PCDHGB3: variants seen among roughly 807,000 people sequenced by gnomAD.
PCDHGB3 encodes the protein protocadherin gamma subfamily B, 3, also known as protocadherin gamma-B3.
PCDHGB3 carries 40 observed loss-of-function variants against 59.2 expected under a neutral mutation model. The observed-to-expected ratio is 0.68, with a 90% CI of 0.52 to 0.88. PCDHGB3 has a LOEUF of 0.88. Among genes scored for constraint, PCDHGB3 ranks in the 40% least tolerant of loss-of-function variants. The pLI is 0.00. For missense variants in PCDHGB3, 1,309 were observed against 1,187.9 expected, an observed-to-expected ratio of 1.10 and a Z score of -1.50; for synonymous variants, 581 against 503.6, an observed-to-expected ratio of 1.15 and a Z score of -2.06.
intron 1 of PCDHGB3, among the ~76,000 whole-genome samples, chr5:141,386,181 G>C (rs908249495): frequency 3.3e-5 from 5 of 152,138 alleles, no homozygotes; most frequent in Non-Finnish European, 5.9e-5. Flanking sequence ...ACCATCTTAT[G>C]TACACAGATC....
chr5:141,444,965 A>C (rs561160996), intron 1 of PCDHGB3, among the ~76,000 whole-genome samples: 18 of 152,234 alleles, frequency 1.2e-4, no homozygotes, highest in South Asian at 6.2e-4. Context: ...CAATATTGAC[A>C]CTTCAAATCC....
chr5:141,429,488 T>TA (rs748742046), intron 1 of PCDHGB3, among the ~76,000 whole-genome samples: 13 of 152,096 alleles, frequency 8.5e-5, no homozygotes, highest in Non-Finnish European at 1.6e-4. Flanking sequence ...TAGCTGAGAC[T>TA]ACAGTTGCCT....
At chr5:141,419,457 A>AGGCCCGCGACCAGGGCT in intron 1 of PCDHGB3, 2 of 1,612,728 alleles carry the variant, frequency 1.2e-6, no homozygotes, top group Non-Finnish European at 1.7e-6. Context: ...CTCACGCTGC[A>AGGCCCGCGACCAGGGCT]GGCCCGCGAC....
chr5:141,507,202 C>G (rs2099859138), intron 3 of PCDHGB3: 1 of 152,356 alleles, frequency 6.6e-6, no homozygotes, highest in Non-Finnish European at 1.5e-5. Flanking sequence ...TCTTCCAGAT[C>G]AGGGTTGCCA....
intron 1 of PCDHGB3, chr5:141,427,514 G>A (rs1193674497): frequency 1.7e-6 from 1 of 595,712 alleles, no homozygotes; most frequent in Non-Finnish European, 3.2e-6. Context: ...CCCTGGATTG[G>A]GAGCGGATCC....
chr5:141,413,441 T>A, intron 1 of PCDHGB3: 1 of 1,614,056 alleles, frequency 6.2e-7, no homozygotes, highest in South Asian at 1.1e-5. Context: ...GGCAGCTTGA[T>A]CACCGCGGGC....
chr5:141,398,683 C>A, intron 1 of PCDHGB3: 1 of 1,613,914 alleles, frequency 6.2e-7, no homozygotes, highest in Non-Finnish European at 8.5e-7. Flanking sequence ...TAAGGAGAAA[C>A]AGGATGGTAG....
intron 2 of PCDHGB3, among the ~76,000 whole-genome samples, chr5:141,500,900 C>T (rs1309164700): frequency 4.0e-5 from 6 of 150,642 alleles, no homozygotes; most frequent in South Asian, 2.1e-4. Flanking sequence ...GAGACAGTCT[C>T]GCTCTGTCTC....
intron 1 of PCDHGB3, among the ~76,000 whole-genome samples, chr5:141,456,297 A>G (rs537379475): frequency 6.6e-6 from 1 of 152,274 alleles, no homozygotes; most frequent in African/African-American, 2.4e-5. Context: ...CGTCTAATGG[A>G]GAACAGCAGC....
Position 141,430,658 on chromosome 5 carries a change from G to A in PCDHGB3, c.2415+57849G>A, listed in dbSNP as rs1350572230. ...CCTGGGAGTATGTGGAAACAACGGA[G>A]GAGCTCTGACTTCCCAACTGTCCCA... On this transcript the variant is annotated intron_variant, in intron 1 of 3. Coordinates refer to ENST00000576222, the MANE Select transcript of PCDHGB3 (RefSeq NM_018924.5). The A allele has an allele frequency of 7.2e-6, 8 of 1,105,688 alleles. No individual in the cohort carries two copies. The African/African-American group carries it at 9.5e-5, about 13-fold the overall frequency. The allele number at this position is 1,105,688 out of a possible 1,614,324, so 68.5% of individuals were successfully genotyped here. A position where few individuals can be genotyped will look rare whatever the true frequency, so the allele number is the denominator to read the frequency against.
At chr5:141,375,991 C>T (rs770239249) in intron 1 of PCDHGB3, 3 of 1,613,448 alleles carry the variant, frequency 1.9e-6, no homozygotes, top group Non-Finnish European at 1.7e-6. Context: ...TGGACAGAGA[C>T]GCGCTCAAGC....
intron 1 of PCDHGB3, chr5:141,404,928 C>G: frequency 2.5e-6 from 4 of 1,613,866 alleles, no homozygotes; most frequent in Non-Finnish European, 3.4e-6. Context: ...GCCACTGTCA[C>G]GCTCACAGTA....
At chr5:141,387,608 G>C (rs562428819) in intron 1 of PCDHGB3, 221 of 551,402 alleles carry the variant, frequency 4.0e-4, no homozygotes, top group Non-Finnish European at 6.6e-4. Context: ...AGAGGCTGTA[G>C]TTTCCTAGTG....
At chr5:141,447,390 G>A (rs1048677634) in intron 1 of PCDHGB3, among the ~76,000 whole-genome samples, 4 of 151,976 alleles carry the variant, frequency 2.6e-5, no homozygotes, top group Admixed American at 6.6e-5. Flanking sequence ...TGCCCACCTC[G>A]GCCTCCCAAA....
chr5:141,423,551 A>T, intron 1 of PCDHGB3: 2 of 1,613,616 alleles, frequency 1.2e-6, no homozygotes, highest in Non-Finnish European at 1.7e-6. Context: ...CCCCAGCCCA[A>T]CTATGGGGAC....
chr5:141,453,288 A>ATTAT (rs577328880), intron 1 of PCDHGB3, among the ~76,000 whole-genome samples: 1,792 of 151,444 alleles, frequency 0.012, 41 homozygotes, highest in African/African-American at 0.034. Context: ...TAATTTTTTA[A>ATTAT]TTATTTATTT....
intron 1 of PCDHGB3, chr5:141,376,548 T>A: frequency 6.2e-7 from 1 of 1,612,424 alleles, no homozygotes; most frequent in South Asian, 1.1e-5. Flanking sequence ...TAATCTGATC[T>A]TCCCGCAACC....
intron 1 of PCDHGB3, chr5:141,422,864 AC>A (rs2096680510): frequency 1.9e-6 from 3 of 1,614,190 alleles, no homozygotes; most frequent in Non-Finnish European, 2.5e-6. Flanking sequence ...CTCAGCAGCA[AC>A]GTGTCGCTGA....
intron 1 of PCDHGB3, among the ~76,000 whole-genome samples, chr5:141,446,182 G>A (rs1411996595): frequency 6.6e-6 from 1 of 152,118 alleles, no homozygotes; most frequent in African/African-American, 2.4e-5. Flanking sequence ...GGGGTGTTTT[G>A]TTTATTATTA....
Sources: gnomAD v4.1 joint callset for allele counts (sites outside exome capture counted in the v4.1 genomes callset) on GRCh38, gnomAD v4.1.1 for gene constraint, MANE v1.5 for transcripts, NCBI Gene and HGNC (gene_info 2026-07-23, HGNC 2026-07-21) for gene names.